Variants in CCDC27 observed in about 807,000 individuals in gnomAD.
CCDC27 encodes the protein coiled-coil domain-containing protein 27.
CCDC27 carries 80 observed loss-of-function variants against 80.3 expected under a neutral mutation model. That is an observed-to-expected ratio of 1.00 (90% CI 0.83 to 1.20). CCDC27 has a LOEUF of 1.20. Among genes scored for constraint, CCDC27 ranks in the 50% most tolerant of loss-of-function variants. The pLI is 0.00. For missense variants in CCDC27, 815 were observed against 809.4 expected (o/e 1.01, Z -0.08); for synonymous variants, 342 against 334.3 (o/e 1.02, Z -0.25).
In CCDC27 at chr1:3,769,947, G is replaced by C; in HGVS notation, c.1848+60G>C. The C allele has an allele frequency of 6.4e-6, 8 of 1,248,564 alleles. No homozygotes were observed. Among genetic ancestry groups the C allele is most frequent in the Non-Finnish European group, 9.4e-6 (8 of 847,488 alleles). The allele number at this position is 1,248,564 out of a possible 1,614,324, so 77.3% of individuals were successfully genotyped here. On this transcript the variant is annotated intron_variant, in intron 11 of 11. Transcript: ENST00000294600. The surrounding 1 kb of genome is among the most constrained non-coding windows in gnomAD (Gnocchi z 4.6). ...CCCAGACCCCCAGGCCAGAGCTGTG[G>C]TAGGGGGTTGTGGGGGGCCTAGATT...
Position 3,763,506 on chromosome 1 carries a change from G to A in CCDC27, c.1321+32G>A, listed in dbSNP as rs994585288. ...CCTCGGCGGGGGGCACTGGGCTTTG[G>A]CCACTCAGTGGTTCCCGGCCCAGGA... On this transcript the variant is annotated intron_variant, in intron 7 of 11. Transcript: ENST00000294600. This position sits in a 1 kb window ranked among gnomAD's most constrained non-coding sequence, Gnocchi z 7.5. 9.6e-6 allele frequency: 15 copies of A among 1,562,858 alleles called. No individual in the cohort carries two copies. The South Asian group carries it at 1.2e-4, about 13-fold the overall frequency.
chr1:3,753,221 G>A (rs567542504), intron 1 of CCDC27, among the ~76,000 whole-genome samples: 2 of 152,278 alleles, frequency 1.3e-5, no homozygotes, highest in South Asian at 4.2e-4. Context: ...GTGCCACCGT[G>A]TACTGGGGGA....
rs1175737517 is a variant in CCDC27 at position 3,761,261 on chromosome 1, G to A, written c.712-20G>A. The A allele has an allele frequency of 1.2e-6, 2 of 1,611,962 alleles. No individual in the cohort carries two copies. Among genetic ancestry groups the A allele is most frequent in the Non-Finnish European group, 1.7e-6 (2 of 1,178,836 alleles). ...TGTGGCTGCATGGCCCACGGGGGCT[G>A]CCCTTGGTTTTCTGCCCAGGATCAC... is the stretch of plus-strand genomic sequence containing the variant. On this transcript the variant is annotated intron_variant, in intron 4 of 11. Transcript: ENST00000294600. The surrounding 1 kb of genome is among the most constrained non-coding windows in gnomAD (Gnocchi z 5.0).
rs777275065 is a variant in CCDC27, at chr1:3,761,413, A to G, written c.844A>G (p.Met282Val). Reference protein sequence around the residue: ...LLKGKGQETSMSPGRREQLSD... With the variant: ...LLKGKGQETSVSPGRREQLSD... ...GAAAGGCAAAGGCCAAGAGACATCC[A>G]TGTCCCCAGGCAGGAGGGTGAGCCA... The change falls in exon 5 of 12, where the codon ATG (methionine) becomes GTG (valine). Residue 282 changes from methionine (M) to valine (V), a missense_variant. Physicochemically the swap from Met to Val is conservative, Grantham distance 21 (BLOSUM62 1). Transcript: ENST00000294600. This position sits in a 1 kb window ranked among gnomAD's most constrained non-coding sequence, Gnocchi z 5.0. 5.6e-6 allele frequency: 9 copies of G among 1,613,874 alleles called. No individual in the cohort carries two copies. Among genetic ancestry groups the G allele is most frequent in the Non-Finnish European group, 7.6e-6 (9 of 1,179,986 alleles).
chr1:3,762,241 G>T (rs754995136), intron 5 of CCDC27, among the ~76,000 whole-genome samples: 11 of 152,194 alleles, frequency 7.2e-5, no homozygotes, highest in Non-Finnish European at 7.4e-5. Flanking sequence ...GCGGGGGCAG[G>T]GAAAGGTGGC....
At chr1:3,753,811 T>A (rs1228360244) in intron 1 of CCDC27, among the ~76,000 whole-genome samples, 3 of 151,912 alleles carry the variant, frequency 2.0e-5, no homozygotes, top group African/African-American at 7.3e-5. Context: ...TCGGGGGGCC[T>A]GTCTGTGAAT....
At chr1:3,758,191 AT>A (rs1557622698) in intron 4 of CCDC27, among the ~76,000 whole-genome samples, 1 of 151,908 alleles carries the variant, frequency 6.6e-6, no homozygotes, top group African/African-American at 2.4e-5. Flanking sequence ...TTATTAATTA[AT>A]TTATTTATTT....
rs1243925294 is a variant in CCDC27, at chr1:3,752,651, G to C, written c.170G>C (p.Ser57Thr). 1 of 1,614,122 alleles carries C rather than the reference G, an allele frequency of 6.2e-7. No homozygotes were observed. The highest frequency in any genetic ancestry group is 8.5e-7 in the Non-Finnish European group (1 of 1,180,002). ...GAGGCCAGCCCATCTCAGAGGCACA[G>C]TTCGATGTCCAGCTCGATGGCCAGG... is the stretch of plus-strand genomic sequence containing the variant. ...PKEASPSQRH[S>T]SMSSSMARAL... Residue 57 changes from serine (S) to threonine (T), a missense_variant, in exon 1 of 12, where the codon AGT (serine) becomes ACT (threonine). Ser to Thr is a moderately conservative substitution (Grantham distance 58, BLOSUM62 1). Transcript: ENST00000294600.
chr1:3,766,484 T>C lies in CCDC27; in HGVS notation c.1453-51T>C. The C allele has an allele frequency of 7.6e-7, 1 of 1,317,702 alleles. No homozygotes were observed. Among genetic ancestry groups the C allele is most frequent in the Non-Finnish European group, 1.1e-6 (1 of 927,446 alleles). 81.6% of individuals were successfully genotyped at this position (1,317,702 alleles called of 1,614,324 possible). On this transcript the variant is annotated intron_variant, in intron 8 of 11. Coordinates refer to ENST00000294600, the MANE Select transcript of CCDC27 (RefSeq NM_152492.3). The surrounding 1 kb of genome is among the most constrained non-coding windows in gnomAD (Gnocchi z 6.1). ...AAAAGTTAGATGCCGGAATTCAGTC[T>C]GTTATCTAAACCTGGGAGTCCCCCA...
chr1:3,755,673 C>G, intron 3 of CCDC27, 106 bp downstream of exon 3: 1 of 944,738 alleles, frequency 1.1e-6, no homozygotes, highest in East Asian at 2.4e-5. Flanking sequence ...CCTCCCGGGA[C>G]TGTCTGCCTC....
intron 4 of CCDC27, among the ~76,000 whole-genome samples, chr1:3,758,227 G>C (rs937352858): frequency 2.0e-5 from 3 of 152,090 alleles, no homozygotes; most frequent in Non-Finnish European, 4.4e-5. Flanking sequence ...GTCTCTCTCT[G>C]TTGCCAGGCT....
chr1:3,758,665 G>T (rs538679596), intron 4 of CCDC27, among the ~76,000 whole-genome samples: 1 of 152,292 alleles, frequency 6.6e-6, no homozygotes, highest in Non-Finnish European at 1.5e-5. Context: ...AGTGATCCCA[G>T]CTCCCTGCAG....
intron 2 of CCDC27, among the ~76,000 whole-genome samples, 183 bp downstream of exon 2, chr1:3,754,424 T>C (rs1301188329): frequency 6.6e-6 from 1 of 151,876 alleles, no homozygotes; most frequent in East Asian, 1.9e-4. Flanking sequence ...AAGCTGGGGG[T>C]GGAGGGGGGC....
At chr1:3,752,867 C>G in intron 1 of CCDC27, 68 bp downstream of exon 1, 1 of 1,493,472 alleles carries the variant, frequency 6.7e-7, no homozygotes, top group Non-Finnish European at 9.1e-7. Flanking sequence ...TCCCCAAAGG[C>G]CCATAGAGCT....
intron 11 of CCDC27, 146 bp downstream of exon 11, chr1:3,770,033 T>C: frequency 1.5e-6 from 1 of 651,088 alleles, no homozygotes; most frequent in Non-Finnish European, 2.8e-6. Flanking sequence ...AGGACCCTCC[T>C]TTCTCTCAGC....
At position 3,754,006 on chromosome 1, in the gene CCDC27, A is replaced by C. The variant is rs1166187776; in HGVS notation, c.319-112A>C. 6 of 1,481,704 alleles carry C rather than the reference A, an allele frequency of 4.0e-6. No homozygotes were observed. In the African/African-American group the frequency reaches 8.5e-5, roughly 21 times the overall value. 91.8% of individuals were successfully genotyped at this position (1,481,704 alleles called of 1,614,324 possible). A position where few individuals can be genotyped will look rare whatever the true frequency, so the allele number is the denominator to read the frequency against. ...CTGCATCTACATACGACTCATAGGC[A>C]CCTGCCATTGGGGCGATTTGTGATG... On this transcript the variant is annotated intron_variant, in intron 1 of 11. Transcript: ENST00000294600.
chr1:3,758,448 A>G (rs1308955084), intron 4 of CCDC27, among the ~76,000 whole-genome samples: 1 of 150,524 alleles, frequency 6.6e-6, no homozygotes, highest in Admixed American at 6.6e-5. Context: ...GGCCTCCCAA[A>G]GTGCTGGGAC....
At position 3,763,003 on chromosome 1, in the gene CCDC27, C is replaced by A; in HGVS notation, c.955-105C>A. On this transcript the variant is annotated intron_variant, in intron 6 of 11. Transcript: ENST00000294600. This position sits in a 1 kb window ranked among gnomAD's most constrained non-coding sequence, Gnocchi z 7.5. ...CCCACTCCCTGGACCCTGCAGCAGCCTGGAAGGAGGCGCCCTCCCCGGTGC... is the reference window on the plus strand; with the variant it reads ...CCCACTCCCTGGACCCTGCAGCAGCATGGAAGGAGGCGCCCTCCCCGGTGC... The A allele has an allele frequency of 1.5e-6, 2 of 1,356,212 alleles. No homozygotes were observed. The highest frequency in any genetic ancestry group is 1.6e-5 in the South Asian group (1 of 63,466). 84.0% of individuals were successfully genotyped at this position (1,356,212 alleles called of 1,614,324 possible).
rs928176347 is a variant in CCDC27, at chr1:3,769,841, C to T, written c.1802C>T (p.Ser601Phe). 6.2e-7 allele frequency: 1 copy of T among 1,613,996 alleles called. No individual in the cohort carries two copies. The highest frequency in any genetic ancestry group is 1.1e-5 in the South Asian group (1 of 91,072). Residue 601 changes from serine (S) to phenylalanine (F), a missense_variant, in exon 11 of 12, where the codon TCC becomes TTC. Coordinates refer to ENST00000294600, the MANE Select transcript of CCDC27 (RefSeq NM_152492.3). The surrounding 1 kb of genome is among the most constrained non-coding windows in gnomAD (Gnocchi z 4.6). ...QATFSISGTKSLANEISDNDI... is the reference protein window; with the variant it reads ...QATFSISGTKFLANEISDNDI... ...ACCTTTAGCATCTCCGGGACCAAGT[C>T]CTTGGCCAACGAGATCTCTGACAAT...
Sources: gnomAD v4.1 joint callset for allele counts (sites outside exome capture counted in the v4.1 genomes callset) on GRCh38, gnomAD v4.1.1 for gene constraint, Gnocchi (gnomAD v3.1) non-coding constraint, MANE v1.5 for transcripts, NCBI Gene and HGNC (gene_info 2026-07-23, HGNC 2026-07-21) for gene names.